The following AFDN variants were observed in gnomAD, a reference collection of about 807,000 sequenced individuals.
AFDN encodes the protein afadin.
AFDN carries 68 observed loss-of-function variants against 216.6 expected under a neutral mutation model. The ratio of observed to expected loss-of-function variants is 0.31; its 90% CI spans 0.26 to 0.38. The LOEUF (loss-of-function observed/expected upper bound fraction) is 0.38. AFDN is among the 10% of genes least tolerant of loss of function. The pLI is 1.00. For missense variants in AFDN, 2,136 were observed against 2,342.0 expected, an observed-to-expected ratio of 0.91 and a Z score of 1.82; for synonymous variants, 868 against 853.7, an observed-to-expected ratio of 1.02 and a Z score of -0.29.
At chr6:167,934,851 A>G (rs1043964237) in intron 23 of AFDN, among the ~76,000 whole-genome samples, 1 of 152,182 alleles carries the variant, frequency 6.6e-6, no homozygotes, top group African/African-American at 2.4e-5. Context: ...GACTACCTAC[A>G]CTTCTATAAG....
intron 32 of AFDN, 38 bp from the exon 33 acceptor site, chr6:167,969,076 C>A: frequency 1.4e-6 from 2 of 1,456,924 alleles, no homozygotes; most frequent in Non-Finnish European, 1.9e-6. Flanking sequence ...TAGAAATAAT[C>A]AGGTACTTTA....
At chr6:167,936,534 T>G (rs1794019265) in intron 23 of AFDN, among the ~76,000 whole-genome samples, 1 of 152,226 alleles carries the variant, frequency 6.6e-6, no homozygotes. Flanking sequence ...ATTAAGTGGT[T>G]TAATATTTCT....
At chr6:167,828,932 T>C (rs951916790) in intron 1 of AFDN, among the ~76,000 whole-genome samples, 1 of 152,146 alleles carries the variant, frequency 6.6e-6, no homozygotes, top group Non-Finnish European at 1.5e-5. Flanking sequence ...TAAATTCTAT[T>C]TTAAGCACTC....
chr6:167,919,055 A>C, intron 21 of AFDN, 122 bp downstream of exon 21: 2 of 801,966 alleles, frequency 2.5e-6, no homozygotes, highest in South Asian at 1.6e-5. Context: ...TGTCTGGAGA[A>C]GTCCGTGTTC....
intron 25 of AFDN, 53 bp downstream of exon 25, chr6:167,943,528 T>C: frequency 7.1e-7 from 1 of 1,411,168 alleles, no homozygotes; most frequent in Non-Finnish European, 1.0e-6. Flanking sequence ...TAGGTGATTT[T>C]TGCATTAAAT....
intron 2 of AFDN, among the ~76,000 whole-genome samples, chr6:167,868,921 C>T (rs1029988836): frequency 6.6e-6 from 1 of 151,830 alleles, no homozygotes; most frequent in East Asian, 1.9e-4. Context: ...CACCACCACA[C>T]CCGGCTAATT....
chr6:167,941,992 T>C (rs940920478), intron 23 of AFDN, among the ~76,000 whole-genome samples: 1 of 152,250 alleles, frequency 6.6e-6, no homozygotes, highest in Non-Finnish European at 1.5e-5. Flanking sequence ...TAAGAAATAC[T>C]ATACTGTTTT....
At chr6:167,922,834 A>G (rs1327254014) in intron 21 of AFDN, 22 bp from the exon 22 acceptor site, 1 of 1,508,620 alleles carries the variant, frequency 6.6e-7, no homozygotes, top group Non-Finnish European at 9.2e-7. Flanking sequence ...TTTCACTTAC[A>G]ATTTGCTTGT....
chr6:167,924,931 G>C (rs936105041), intron 22 of AFDN, 74 bp from the exon 23 acceptor site: 3 of 1,018,114 alleles, frequency 2.9e-6, no homozygotes, highest in Non-Finnish European at 4.7e-6. Flanking sequence ...TGATTGACTA[G>C]ATCATGAGTT....
At chr6:167,909,658 T>C (rs1004420531) in intron 13 of AFDN, among the ~76,000 whole-genome samples, 1 of 152,146 alleles carries the variant, frequency 6.6e-6, no homozygotes, top group African/African-American at 2.4e-5. Context: ...TCAAGATAAC[T>C]GTGTTGACTT....
intron 15 of AFDN, chr6:167,912,236 A>C (rs1404292391): frequency 1.3e-5 from 2 of 152,246 alleles, no homozygotes; most frequent in Non-Finnish European, 2.9e-5. Flanking sequence ...TTTTTCATCT[A>C]CAGATGATTT....
chr6:167,855,714 G>T (rs1782818034), intron 1 of AFDN, among the ~76,000 whole-genome samples: 1 of 152,072 alleles, frequency 6.6e-6, no homozygotes, highest in Non-Finnish European at 1.5e-5. Context: ...GACTCCAGTG[G>T]TCACTTAGCT....
chr6:167,853,373 A>G (rs1421610871), intron 1 of AFDN, among the ~76,000 whole-genome samples: 1 of 152,038 alleles, frequency 6.6e-6, no homozygotes, highest in Non-Finnish European at 1.5e-5. Context: ...AAATTCTGCA[A>G]AATTATTTGC....
At position 167,971,214 on chromosome 6, in the gene AFDN, T is replaced by A; in HGVS notation, c.*1279T>A. 1 of 219,828 alleles carries A rather than the reference T, an allele frequency of 4.5e-6. No individual in the cohort carries two copies. Among genetic ancestry groups the A allele is most frequent in the Non-Finnish European group, 9.1e-6 (1 of 109,746 alleles). 13.6% of individuals were successfully genotyped at this position (219,828 alleles called of 1,614,324 possible). A position where few individuals can be genotyped will look rare whatever the true frequency, so the allele number is the denominator to read the frequency against. ...CTGTACCATATTGTTCTCTTACACA[T>A]ACGTATGTTAGGAAAATAGGCACAC... is the stretch of plus-strand genomic sequence containing the variant. On this transcript the variant is annotated 3_prime_UTR_variant, in exon 34 of 34. Transcript: ENST00000683244.
Position 167,875,345 on chromosome 6 carries a change from C to T in AFDN, c.589C>T (p.Arg197Ter), listed in dbSNP as rs1785236129. Reference sequence around the variant, plus strand: ...TTTTTTTTCTTACAGTGAAAATTCTCGACTGGCTGCTGAGGTTTACAAAGA... The same window carrying T: ...TTTTTTTTCTTACAGTGAAAATTCTTGACTGGCTGCTGAGGTTTACAAAGA... Reference protein sequence around the residue: ...PFQGEDVENSRLAAEVYKDMP... With the variant: ...PFQGEDVENS The change falls in exon 5 of 34, where the codon CGA becomes TGA. Residue 197 changes from arginine to a stop codon, truncating the protein, a stop_gained. Transcript: ENST00000683244. LOFTEE classifies it high-confidence loss of function. The T allele has an allele frequency of 1.9e-6, 3 of 1,603,084 alleles. No individual in the cohort carries two copies. Among genetic ancestry groups the T allele is most frequent in the Non-Finnish European group, 2.5e-6 (3 of 1,177,080 alleles).
In AFDN at chr6:167,880,370, G is replaced by A. The variant is rs750678761; in HGVS notation, c.750G>A (p.Leu250=). The A allele has an allele frequency of 6.2e-7, 1 of 1,611,584 alleles. No homozygotes were observed. The highest frequency in any genetic ancestry group is 1.1e-5 in the South Asian group (1 of 90,454). ...SDGRPDSGGT[L]RIYADSLKPN... ...AAAATGTTTTTTCAGGTGGAACATT[G>A]AGAATTTATGCAGATAGTTTAAAAC... The change falls in exon 6 of 34, where the codon TTG becomes TTA. Residue 250 remains leucine (L), a synonymous_variant. Transcript: ENST00000683244.
At chr6:167,865,748 C>G (rs761175794) in intron 2 of AFDN, among the ~76,000 whole-genome samples, 1 of 151,248 alleles carries the variant, frequency 6.6e-6, no homozygotes, top group Non-Finnish European at 1.5e-5. Context: ...ATAGCACAAA[C>G]CTAATTTGAA....
At chr6:167,895,766 T>C (rs1180545454) in intron 9 of AFDN, among the ~76,000 whole-genome samples, 1 of 152,218 alleles carries the variant, frequency 6.6e-6, no homozygotes, top group African/African-American at 2.4e-5. Context: ...CTCTCAAAGC[T>C]TACGTTCCTA....
intron 11 of AFDN, 64 bp from the exon 12 acceptor site, chr6:167,902,253 G>A: frequency 1.7e-6 from 2 of 1,207,314 alleles, no homozygotes; most frequent in Non-Finnish European, 2.4e-6. Context: ...TGTGTATTAA[G>A]AAGAGACTAT....
Sources: allele counts gnomAD v4.1 joint callset (sites outside exome capture counted in the v4.1 genomes callset), GRCh38; gene constraint gnomAD v4.1.1; transcripts MANE v1.5; gene names NCBI Gene and HGNC (gene_info 2026-07-23, HGNC 2026-07-21).